LHFPL6: variants seen among roughly 807,000 people sequenced by gnomAD.
LHFPL6 encodes the protein LHFPL tetraspan subfamily member 6.
A neutral mutation model predicts 20.6 loss-of-function variants in LHFPL6; 9 were observed. The ratio of observed to expected loss-of-function variants is 0.44; its 90% confidence interval spans 0.26 to 0.76. LHFPL6 has a LOEUF of 0.76. LHFPL6 is among the 30% of genes least tolerant of loss of function. The probability of loss-of-function intolerance (pLI) is 0.20; values close to 1 mark genes in which losing one functional copy is unlikely to be tolerated. For missense variants in LHFPL6, 218 were observed against 253.5 expected (o/e 0.86, Z 0.95); for synonymous variants, 105 against 98.7 (o/e 1.06, Z -0.38).
chr13:39,550,904 T>A (rs554719691), intron 2 of LHFPL6, among the ~76,000 whole-genome samples: 1 of 152,194 alleles, frequency 6.6e-6, no homozygotes, highest in Admixed American at 6.5e-5. Flanking sequence ...ATCAGAAAAA[T>A]TGTGAAATAC....
At chr13:39,541,690 T>A (rs376519753) in intron 2 of LHFPL6, among the ~76,000 whole-genome samples, 109 of 152,346 alleles carry the variant, frequency 7.2e-4, no homozygotes, top group African/African-American at 2.5e-3. Flanking sequence ...CTATTCCATC[T>A]CTGAGCTATG....
At chr13:39,453,432 C>A (rs148623977) in intron 2 of LHFPL6, among the ~76,000 whole-genome samples, 6 of 152,102 alleles carry the variant, frequency 3.9e-5, no homozygotes, top group African/African-American at 4.8e-5. Flanking sequence ...TCATGCAGTA[C>A]CTTTTGCCTA....
chr13:39,557,626 C>G (rs1871345578), intron 2 of LHFPL6, among the ~76,000 whole-genome samples: 1 of 152,236 alleles, frequency 6.6e-6, no homozygotes, highest in Non-Finnish European at 1.5e-5. Context: ...GTGAGAAGGA[C>G]ATGAGATCTG....
At chr13:39,348,086 G>A (rs1008080535) in intron 3 of LHFPL6, among the ~76,000 whole-genome samples, 12 of 152,200 alleles carry the variant, frequency 7.9e-5, no homozygotes, top group African/African-American at 2.7e-4. Context: ...AGAGGACAAT[G>A]AGAGAGAGGA....
intron 2 of LHFPL6, among the ~76,000 whole-genome samples, chr13:39,593,650 A>G (rs1300517314): frequency 1.3e-5 from 2 of 152,196 alleles, no homozygotes; most frequent in African/African-American, 2.4e-5. Flanking sequence ...AAGAGCCCAC[A>G]TTGCCAAGTC....
intron 2 of LHFPL6, among the ~76,000 whole-genome samples, chr13:39,576,305 G>A (rs1283514129): frequency 2.0e-5 from 3 of 152,130 alleles, no homozygotes; most frequent in Non-Finnish European, 4.4e-5. Flanking sequence ...TGCTTAGGTT[G>A]GTAGAGTTTA....
chr13:39,486,122 A>G (rs942774458), intron 2 of LHFPL6, among the ~76,000 whole-genome samples: 2 of 152,182 alleles, frequency 1.3e-5, no homozygotes, highest in Non-Finnish European at 2.9e-5. Flanking sequence ...AACATCTGAT[A>G]GAACCATTTG....
intron 2 of LHFPL6, among the ~76,000 whole-genome samples, chr13:39,587,954 C>A (rs1329874938): frequency 6.6e-6 from 1 of 152,034 alleles, no homozygotes; most frequent in African/African-American, 2.4e-5. Context: ...GAGAAATAAC[C>A]TGGATTCTCC....
At chr13:39,493,974 T>C (rs1314372018) in intron 2 of LHFPL6, among the ~76,000 whole-genome samples, 3 of 152,206 alleles carry the variant, frequency 2.0e-5, no homozygotes, top group Non-Finnish European at 4.4e-5. Context: ...TCTTAGAAGG[T>C]GCAAGGTGAC....
intron 2 of LHFPL6, among the ~76,000 whole-genome samples, chr13:39,470,147 G>T (rs1026618809): frequency 3.9e-5 from 6 of 152,076 alleles, no homozygotes; most frequent in Non-Finnish European, 7.4e-5. Context: ...TAGCTAAAAT[G>T]GAAAATTCCT....
intron 2 of LHFPL6, among the ~76,000 whole-genome samples, chr13:39,515,061 T>C (rs1015934407): frequency 2.6e-4 from 39 of 152,248 alleles, no homozygotes; most frequent in Admixed American, 1.1e-3. Context: ...ACTGCGTTCA[T>C]TGGATCCTGA....
At chr13:39,374,788 A>T (rs1249246272) in intron 3 of LHFPL6, among the ~76,000 whole-genome samples, 1 of 152,192 alleles carries the variant, frequency 6.6e-6, no homozygotes, top group African/African-American at 2.4e-5. Flanking sequence ...ATCTTTTTGA[A>T]CATCTGCCTC....
At position 39,562,643 on chromosome 13, in the gene LHFPL6, T is replaced by C. The variant is rs896946000; in HGVS notation, c.385+38189A>G. ...ATATATACACACATATATATACACATATATACACACATATACACATATATA... is the reference window on the plus strand; with the variant it reads ...ATATATACACACATATATATACACACATATACACACATATACACATATATA... On this transcript the variant is annotated intron_variant, in intron 2 of 3. Coordinates refer to ENST00000379589, the MANE Select transcript of LHFPL6 (RefSeq NM_005780.3). 1.0e-4 allele frequency among the ~76,000 whole-genome samples: 14 copies of C among 138,360 alleles called. No homozygotes were observed. The East Asian group carries it at 2.5e-3, about 24-fold the overall frequency. The allele number at this position is 138,360 out of a possible 152,430, so 90.8% of individuals were successfully genotyped here. A position where few individuals can be genotyped will look rare whatever the true frequency, so the allele number is the denominator to read the frequency against.
chr13:39,358,452 C>A (rs1385855213), intron 3 of LHFPL6, among the ~76,000 whole-genome samples: 1 of 151,988 alleles, frequency 6.6e-6, no homozygotes, highest in Non-Finnish European at 1.5e-5. Flanking sequence ...TAGATGAAAA[C>A]CTAGTGAACA....
intron 2 of LHFPL6, among the ~76,000 whole-genome samples, chr13:39,518,876 C>T (rs757825422): frequency 2.6e-5 from 4 of 152,194 alleles, no homozygotes; most frequent in African/African-American, 4.8e-5. Context: ...ATCCAGTCCA[C>T]GATGGAACAC....
chr13:39,565,548 G>C (rs1566143076), intron 2 of LHFPL6, among the ~76,000 whole-genome samples: 1 of 152,218 alleles, frequency 6.6e-6, no homozygotes. Context: ...CAGTGGAGAA[G>C]GGAATTGTAG....
chr13:39,601,431 A>G (rs1872943851), intron 1 of LHFPL6, 41 bp from the exon 2 acceptor site: 1 of 462,186 alleles, frequency 2.2e-6, no homozygotes, highest in African/African-American at 1.9e-5. Context: ...AAAGGCATTA[A>G]AAGAAGTGAT....
chr13:39,548,768 A>T (rs1265325518), intron 2 of LHFPL6, among the ~76,000 whole-genome samples: 1 of 152,066 alleles, frequency 6.6e-6, no homozygotes, highest in African/African-American at 2.4e-5. Context: ...AGGCAGGGAA[A>T]GTGTAAAGTG....
intron 2 of LHFPL6, among the ~76,000 whole-genome samples, chr13:39,527,021 C>A (rs1210901262): frequency 6.6e-6 from 1 of 152,164 alleles, no homozygotes; most frequent in East Asian, 1.9e-4. Flanking sequence ...AATGGTACTA[C>A]AGGTTTTGCA....
Sources: allele counts gnomAD v4.1 joint callset (sites outside exome capture counted in the v4.1 genomes callset), GRCh38; gene constraint gnomAD v4.1.1; transcripts MANE v1.5; gene names NCBI Gene and HGNC (gene_info 2026-07-23, HGNC 2026-07-21).